DHRS4L2: variants seen among roughly 807,000 people sequenced by gnomAD.
DHRS4L2 encodes the protein dehydrogenase/reductase 4 like 2.
A neutral mutation model predicts 23.9 loss-of-function variants in DHRS4L2; 22 were observed. The observed-to-expected ratio is 0.92, with a 90% CI of 0.66 to 1.31. DHRS4L2 has a LOEUF of 1.31. Among genes scored for constraint, DHRS4L2 ranks in the 40% most tolerant of loss-of-function variants. DHRS4L2 has a pLI of 0.00. For synonymous variants in DHRS4L2, 141 were observed against 123.7 expected (o/e 1.14, Z -0.93); for missense variants, 385 against 303.3 (o/e 1.27, Z -2.00).
chr14:23,985,478 C>T (rs556042468), upstream of DHRS4L2, among the ~76,000 whole-genome samples: 1 of 151,614 alleles, frequency 6.6e-6, no homozygotes, highest in African/African-American at 2.4e-5. Context: ...GAATCTGGGA[C>T]AGCTATTGCA....
At chr14:23,986,864 A>G (rs1190504635), upstream of DHRS4L2, among the ~76,000 whole-genome samples, 6 of 151,604 alleles carry the variant, frequency 4.0e-5, 1 homozygote, top group African/African-American at 1.5e-4. Context: ...CATGAGCTCC[A>G]AACAGTGCAA....
chr14:23,996,218 G>A (rs2034379728), intron 3 of DHRS4L2, among the ~76,000 whole-genome samples: 1 of 151,592 alleles, frequency 6.6e-6, no homozygotes, highest in African/African-American at 2.4e-5. Flanking sequence ...CCTCACACCA[G>A]GCCCCACCTG....
rs544254547 is a variant in DHRS4L2, at chr14:24,004,667, C to T, written c.*22+275C>T. ...CTCTCCACCTGGGGGATTGCCTCCA[C>T]CTCTGAGCATCCATGGAGACCAGGG... On this transcript the variant is annotated intron_variant, in intron 7 of 7. Transcript: ENST00000335125. The T allele has an allele frequency of 5.3e-5, 33 of 624,868 alleles. 1 individual carries two copies. In the Admixed American group the frequency reaches 6.2e-4, roughly 12 times the overall value. The allele number at this position is 624,868 out of a possible 1,614,324, so 38.7% of individuals were successfully genotyped here. A position where few individuals can be genotyped will look rare whatever the true frequency, so the allele number is the denominator to read the frequency against.
At chr14:24,004,316 A>G (rs2034531395) in intron 6 of DHRS4L2, 21 bp from the exon 7 acceptor site, 1 of 1,576,760 alleles carries the variant, frequency 6.3e-7, no homozygotes, top group Non-Finnish European at 8.5e-7. Flanking sequence ...AAACATAAAG[A>G]GATTTCCCTT....
Position 24,001,043 on chromosome 14 carries a change from G to C in DHRS4L2, c.490G>C (p.Val164Leu). The change falls in exon 5 of 8, where the codon GTG becomes CTG. Residue 164 changes from valine (V) to leucine (L), a missense_variant. Coordinates refer to ENST00000335125, the MANE Select transcript of DHRS4L2 (RefSeq NM_198083.4). ...CTCTTCTTTTTCCAGAGGCGGCTCAGTGGTGATCGTGTCTTCCATAGCAGC... is the reference window on the plus strand; with the variant it reads ...CTCTTCTTTTTCCAGAGGCGGCTCACTGGTGATCGTGTCTTCCATAGCAGC... ...PEMEKRGGGS[V>L]VIVSSIAAFS... The C allele has an allele frequency of 4.3e-6, 7 of 1,611,478 alleles. No homozygotes were observed. The highest frequency in any genetic ancestry group is 5.9e-6 in the Non-Finnish European group (7 of 1,179,496).
Position 24,004,358 on chromosome 14 carries a change from G to A in DHRS4L2, c.687G>A (p.Lys229=). 1 of 1,602,394 alleles carries A rather than the reference G, an allele frequency of 6.2e-7. No individual in the cohort carries two copies. Among genetic ancestry groups the A allele is most frequent in the Non-Finnish European group, 8.5e-7 (1 of 1,178,188 alleles). The part of the protein sequence containing the change: ...SAGCSGWTRK[K]RKA Reference sequence around the variant, plus strand: ...ACAGCTCTGGATGGACAAGGAAAAAGAGGAAAGCATGAAAGAAACCCTGCG... The same window carrying A: ...ACAGCTCTGGATGGACAAGGAAAAAAAGGAAAGCATGAAAGAAACCCTGCG... The change falls in exon 7 of 8, where the codon AAG becomes AAA. Residue 229 remains lysine, a synonymous_variant. Coordinates refer to ENST00000335125, the MANE Select transcript of DHRS4L2 (RefSeq NM_198083.4).
rs1488744981 is a variant in DHRS4L2 at position 24,001,058 on chromosome 14, T to A, written c.505T>A (p.Ser169Thr). Reference protein sequence around the residue: ...RGGGSVVIVSSIAAFSPSPGF... With the variant: ...RGGGSVVIVSTIAAFSPSPGF... ...AGGCGGCTCAGTGGTGATCGTGTCT[T>A]CCATAGCAGCCTTCAGTCCATCTCC... is the stretch of plus-strand genomic sequence containing the variant. Residue 169 changes from serine (S) to threonine (T), a missense_variant, in exon 5 of 8, where the codon TCC becomes ACC. By Grantham distance (58) the Ser-to-Thr change is moderately conservative. Transcript: ENST00000335125. 6.2e-7 allele frequency: 1 copy of A among 1,611,296 alleles called. No individual in the cohort carries two copies. The highest frequency in any genetic ancestry group is 1.1e-5 in the South Asian group (1 of 90,944).
At chr14:23,985,596 A>G (rs1332519121), upstream of DHRS4L2, among the ~76,000 whole-genome samples, 2 of 151,748 alleles carry the variant, frequency 1.3e-5, no homozygotes, top group Non-Finnish European at 2.9e-5. Flanking sequence ...TTGTCCCTCA[A>G]GATAGGCAGA....
At chr14:23,984,052 GT>G (rs1337076756), upstream of DHRS4L2, among the ~76,000 whole-genome samples, 1 of 151,166 alleles carries the variant, frequency 6.6e-6, no homozygotes, top group African/African-American at 2.4e-5. Flanking sequence ...AAGAAAAAAT[GT>G]AAAAAAAAGA....
upstream of DHRS4L2, among the ~76,000 whole-genome samples, chr14:23,984,765 C>G (rs1224404464): frequency 2.1e-5 from 3 of 141,050 alleles, no homozygotes; most frequent in Non-Finnish European, 4.5e-5. Flanking sequence ...CAAGATTGTG[C>G]CACTGCACTC....
intron 3 of DHRS4L2, among the ~76,000 whole-genome samples, chr14:23,995,503 A>G (rs2034363059): frequency 6.6e-6 from 1 of 152,032 alleles, no homozygotes; most frequent in African/African-American, 2.4e-5. Context: ...TCAGCTGACA[A>G]AAACTAATCA....
At chr14:23,985,867 A>G (rs1594459929), upstream of DHRS4L2, among the ~76,000 whole-genome samples, 2 of 151,448 alleles carry the variant, frequency 1.3e-5, no homozygotes, top group East Asian at 3.9e-4. Context: ...GGCACATGCC[A>G]CCAGGCATGT....
chr14:23,977,345 A>G (rs1406538223), intron 1 of DHRS4L2, among the ~76,000 whole-genome samples: 2 of 151,744 alleles, frequency 1.3e-5, no homozygotes, highest in Admixed American at 6.6e-5. Flanking sequence ...AGCATTCTCA[A>G]TGACAAACAT....
chr14:23,973,578 A>G (rs2138504585), intron 1 of DHRS4L2, among the ~76,000 whole-genome samples: 1 of 151,900 alleles, frequency 6.6e-6, no homozygotes, highest in Non-Finnish European at 1.5e-5. Flanking sequence ...AATGGAAAGC[A>G]AAAAAAAGCA....
chr14:24,004,331 C>T lies in DHRS4L2; in HGVS notation c.666-6C>T, dbSNP rs373224355. On this transcript the variant is annotated splice_polypyrimidine_tract_variant and splice_region_variant and intron_variant, in intron 6 of 7. Coordinates refer to ENST00000335125, the MANE Select transcript of DHRS4L2 (RefSeq NM_198083.4). Reference sequence around the variant, plus strand: ...AAACATAAAGAGATTTCCCTTCTTCCTACAGCTCTGGATGGACAAGGAAAA... The same window carrying T: ...AAACATAAAGAGATTTCCCTTCTTCTTACAGCTCTGGATGGACAAGGAAAA... The T allele has an allele frequency of 3.7e-6, 6 of 1,600,788 alleles. No individual in the cohort carries two copies. Among genetic ancestry groups the T allele is most frequent in the Non-Finnish European group, 5.1e-6 (6 of 1,177,974 alleles).
At chr14:23,988,830 G>C, upstream of DHRS4L2, 22 of 1,433,998 alleles carry the variant, frequency 1.5e-5, no homozygotes, top group Non-Finnish European at 2.0e-5. Flanking sequence ...ACGACTCCCA[G>C]CTGGCCGAGG....
At chr14:23,974,391 T>C (rs112129390) in intron 1 of DHRS4L2, among the ~76,000 whole-genome samples, 828 of 149,600 alleles carry the variant, frequency 5.5e-3, no homozygotes, top group African/African-American at 0.019. Flanking sequence ...CAACAAATAA[T>C]GATGATCAGA....
At chr14:23,993,906 G>A (rs1686683276) in intron 2 of DHRS4L2, among the ~76,000 whole-genome samples, 1 of 151,548 alleles carries the variant, frequency 6.6e-6, no homozygotes, top group South Asian at 2.1e-4. Context: ...CTACAAAGTG[G>A]GAGACTGACC....
intron 3 of DHRS4L2, among the ~76,000 whole-genome samples, chr14:23,999,367 A>AAAAAAAAAAAAAAAAAAAAAAACAAAAC (rs1555330042): frequency 3.4e-5 from 4 of 116,798 alleles, no homozygotes; most frequent in Non-Finnish European, 5.4e-5. Flanking sequence ...AAAAAAAAAA[A>AAAAAAAAAAAAAAAAAAAAAAACAAAAC]AAAAAAACAA....
Sources: gnomAD v4.1 joint callset for allele counts (sites outside exome capture counted in the v4.1 genomes callset) on GRCh38, gnomAD v4.1.1 for gene constraint, MANE v1.5 for transcripts, NCBI Gene and HGNC (gene_info 2026-07-23, HGNC 2026-07-21) for gene names.